The following CRIM1 variants were observed in gnomAD, a reference collection of about 807,000 sequenced individuals.
CRIM1 encodes cysteine-rich motor neuron 1 protein.
CRIM1 carries 32 observed loss-of-function variants against 116.4 expected under a neutral mutation model. The observed-to-expected ratio is 0.27, with a 90% CI of 0.21 to 0.37. CRIM1 has a LOEUF of 0.37. Ranked by LOEUF, CRIM1 falls within the 10% of genes least tolerant of loss-of-function variation. The pLI is 1.00. For synonymous variants in CRIM1, 590 were observed against 509.2 expected (o/e 1.16, Z -2.13); for missense variants, 1,331 against 1,354.8 (o/e 0.98, Z 0.28).
intron 13 of CRIM1, chr2:36,531,687 C>T (rs572640146): frequency 1.3e-4 from 36 of 285,240 alleles, no homozygotes; most frequent in South Asian, 1.0e-3. Flanking sequence ...AGAAGTTAAC[C>T]GGAAAGGAAT....
intron 2 of CRIM1, among the ~76,000 whole-genome samples, chr2:36,425,532 A>G (rs937774829): frequency 1.3e-5 from 2 of 152,222 alleles, no homozygotes; most frequent in African/African-American, 2.4e-5. Context: ...TTATTTTCCA[A>G]TATAGAATCA....
At position 36,356,869 on chromosome 2, in the gene CRIM1, C is replaced by A. The variant is rs1473078508; in HGVS notation, c.331+246C>A. On this transcript the variant is annotated intron_variant, in intron 1 of 16. Transcript: ENST00000280527. The surrounding 1 kb of genome is among the most constrained non-coding windows in gnomAD (Gnocchi z 4.3). ...TGGGGGCGAGCGAGTGGAGGATCGC[C>A]CCTGTCCCCGCGCAGACGCGCACAC... Among the ~76,000 whole-genome samples, 1 of 152,256 alleles carries A rather than the reference C, an allele frequency of 6.6e-6. No homozygotes were observed. The highest frequency in any genetic ancestry group is 2.4e-5 in the African/African-American group (1 of 41,558).
chr2:36,501,516 C>T (rs538784987), intron 8 of CRIM1, among the ~76,000 whole-genome samples: 14 of 151,788 alleles, frequency 9.2e-5, no homozygotes, highest in Admixed American at 3.3e-4. Context: ...CTCAGGAGTT[C>T]GAAACCAGCC....
intron 2 of CRIM1, among the ~76,000 whole-genome samples, chr2:36,406,105 C>A (rs1474205134): frequency 6.6e-6 from 1 of 151,160 alleles, no homozygotes; most frequent in East Asian, 1.9e-4. Context: ...ATGTTATTGA[C>A]TGTATTAGAA....
At chr2:36,495,094 T>C (rs991317519) in intron 7 of CRIM1, among the ~76,000 whole-genome samples, 5 of 152,132 alleles carry the variant, frequency 3.3e-5, no homozygotes, top group Non-Finnish European at 7.4e-5. Flanking sequence ...GCAAGTATCA[T>C]GTACAGGGAT....
At chr2:36,464,778 G>A in intron 5 of CRIM1, 123 bp downstream of exon 5, 1 of 1,186,874 alleles carries the variant, frequency 8.4e-7, no homozygotes, top group Non-Finnish European at 1.2e-6. Flanking sequence ...CTTGCTGAAG[G>A]GCACTCAAAA....
rs759979001 is a variant in CRIM1 at position 36,356,329 on chromosome 2, T to C, written c.37T>C (p.Cys13Arg). 3 of 1,580,688 alleles carry C rather than the reference T, an allele frequency of 1.9e-6. No homozygotes were observed. In the East Asian group the frequency reaches 6.9e-5, roughly 36 times the overall value. Residue 13 changes from cysteine (C) to arginine (R), a missense_variant, in exon 1 of 17, where the codon TGC becomes CGC. By Grantham distance (180) the Cys-to-Arg change is radical. Coordinates refer to ENST00000280527, the MANE Select transcript of CRIM1 (RefSeq NM_016441.3). The surrounding 1 kb of genome is among the most constrained non-coding windows in gnomAD (Gnocchi z 4.3). ...GGCGGGGGACAGGGGGTTGGCCGGC[T>C]GCGGGCACCTCCTGGTCTCGCTGCT... ...LVAGDRGLAG[C>R]GHLLVSLLGL...
At chr2:36,448,002 A>T (rs1188608930) in intron 4 of CRIM1, among the ~76,000 whole-genome samples, 1 of 152,170 alleles carries the variant, frequency 6.6e-6, no homozygotes, top group Non-Finnish European at 1.5e-5. Context: ...ACCCAGGAGC[A>T]GACACGTGAT....
chr2:36,520,063 T>C (rs1665280140), intron 12 of CRIM1, among the ~76,000 whole-genome samples: 1 of 152,010 alleles, frequency 6.6e-6, no homozygotes, highest in African/African-American at 2.4e-5. Context: ...AGGGAGATGC[T>C]GTGGGTAAGA....
At chr2:36,370,201 T>C (rs1669856017) in intron 1 of CRIM1, among the ~76,000 whole-genome samples, 1 of 138,242 alleles carries the variant, frequency 7.2e-6, no homozygotes, top group African/African-American at 2.7e-5. Context: ...GACAAAAGCT[T>C]TTTTTTTTTT....
chr2:36,438,125 C>A (rs1572729337), intron 2 of CRIM1, among the ~76,000 whole-genome samples: 2 of 127,590 alleles, frequency 1.6e-5, no homozygotes, highest in East Asian at 2.8e-4. Context: ...AGCAAGACTC[C>A]ATCTCAAAAA....
At chr2:36,540,506 A>T (rs937505504) in intron 14 of CRIM1, among the ~76,000 whole-genome samples, 2 of 152,246 alleles carry the variant, frequency 1.3e-5, no homozygotes. Flanking sequence ...GAGATGGGAA[A>T]AGTCAAGGCC....
intron 14 of CRIM1, among the ~76,000 whole-genome samples, chr2:36,543,227 C>T (rs1187445130): frequency 6.6e-6 from 1 of 152,132 alleles, no homozygotes; most frequent in African/African-American, 2.4e-5. Context: ...TTTAACTTAA[C>T]CTCTCTGGGT....
At position 36,356,362 on chromosome 2, in the gene CRIM1, C is replaced by T; in HGVS notation, c.70C>T (p.Leu24=). The change falls in exon 1 of 17, where the codon CTG becomes TTG. Residue 24 remains leucine (L), a synonymous_variant. Coordinates refer to ENST00000280527, the MANE Select transcript of CRIM1 (RefSeq NM_016441.3). This position sits in a 1 kb window ranked among gnomAD's most constrained non-coding sequence, Gnocchi z 4.3. Reference sequence around the variant, plus strand: ...CCTCCTGGTCTCGCTGCTGGGGCTGCTGCTGCTGCTGGCGCGCTCCGGCAC... The same window carrying T: ...CCTCCTGGTCTCGCTGCTGGGGCTGTTGCTGCTGCTGGCGCGCTCCGGCAC... ...GHLLVSLLGL[L]LLLARSGTRA... is the part of the protein sequence containing the mutation. 2.5e-6 allele frequency: 4 copies of T among 1,594,124 alleles called. No individual in the cohort carries two copies. Among genetic ancestry groups the T allele is most frequent in the Non-Finnish European group, 3.4e-6 (4 of 1,172,700 alleles).
chr2:36,360,079 TAGAA>T (rs1669119971), intron 1 of CRIM1, among the ~76,000 whole-genome samples: 1 of 152,222 alleles, frequency 6.6e-6, no homozygotes, highest in South Asian at 2.1e-4. Context: ...TGAGATTTTC[TAGAA>T]AGAAGATTTT....
intron 1 of CRIM1, among the ~76,000 whole-genome samples, chr2:36,363,010 C>G (rs1280219070): frequency 6.6e-6 from 1 of 151,810 alleles, no homozygotes; most frequent in African/African-American, 2.4e-5. Flanking sequence ...CTAGTCTGGC[C>G]AACATGGTGA....
At chr2:36,404,304 C>G (rs1055219230) in intron 2 of CRIM1, among the ~76,000 whole-genome samples, 4 of 152,058 alleles carry the variant, frequency 2.6e-5, no homozygotes, top group Admixed American at 2.6e-4. Context: ...TTCAAAAAAG[C>G]CTTTAAAAGT....
At chr2:36,466,035 G>A (rs1056051336) in intron 5 of CRIM1, among the ~76,000 whole-genome samples, 15 of 110,118 alleles carry the variant, frequency 1.4e-4, no homozygotes, top group East Asian at 5.9e-4. Context: ...ACAGGCGCCC[G>A]CCACCACACG....
chr2:36,511,104 A>C (rs1664643494), intron 9 of CRIM1, among the ~76,000 whole-genome samples: 1 of 151,508 alleles, frequency 6.6e-6, no homozygotes, highest in Non-Finnish European at 1.5e-5. Flanking sequence ...ACCATGCCCA[A>C]CTAATTTTTG....
Sources: gnomAD v4.1 joint callset for allele counts (sites outside exome capture counted in the v4.1 genomes callset) on GRCh38, gnomAD v4.1.1 for gene constraint, Gnocchi (gnomAD v3.1) non-coding constraint, MANE v1.5 for transcripts, NCBI Gene and HGNC (gene_info 2026-07-23, HGNC 2026-07-21) for gene names.